The following SHISA9 variants were observed in gnomAD, a reference collection of about 807,000 sequenced individuals.
SHISA9 encodes shisa family member 9.
SHISA9 carries 13 observed loss-of-function variants against 38.0 expected under a neutral mutation model. The observed-to-expected ratio is 0.34, with a 90% CI of 0.22 to 0.54. SHISA9 has a LOEUF of 0.54. Among genes scored for constraint, SHISA9 ranks in the 20% least tolerant of loss-of-function variants. The probability of loss-of-function intolerance (pLI) is 0.91; values close to 1 mark genes in which losing one functional copy is unlikely to be tolerated. For synonymous variants in SHISA9, 275 were observed against 242.0 expected (o/e 1.14, Z -1.27); for missense variants, 538 against 575.8 (o/e 0.93, Z 0.67).
At chr16:13,333,038 C>T in the SHISA9 span, among the ~76,000 whole-genome samples, 2 of 152,336 alleles carry the variant, frequency 1.3e-5, no homozygotes, top group South Asian at 4.1e-4. Context: ...AAGGGGTCCT[C>T]TGCCGTGCCC....
At chr16:13,316,517 A>G in the SHISA9 span, among the ~76,000 whole-genome samples, 3 of 152,224 alleles carry the variant, frequency 2.0e-5, no homozygotes, top group Non-Finnish European at 2.9e-5. Context: ...AGGTGGCAGT[A>G]AAAATGGAAA....
chr16:13,282,679 T>G, the SHISA9 span, among the ~76,000 whole-genome samples: 4 of 152,104 alleles, frequency 2.6e-5, no homozygotes, highest in African/African-American at 9.6e-5. Flanking sequence ...TGTTACATTT[T>G]TTTAGCTTTT....
At chr16:13,347,843 C>CCCG in the SHISA9 span, among the ~76,000 whole-genome samples, 8 of 69,362 alleles carry the variant, frequency 1.2e-4, no homozygotes, top group African/African-American at 2.8e-4. Context: ...TAACGTACCC[C>CCCG]CCCACAAAGA....
the SHISA9 span, among the ~76,000 whole-genome samples, chr16:13,527,220 A>G: frequency 1.3e-5 from 2 of 152,228 alleles, no homozygotes; most frequent in African/African-American, 2.4e-5. Context: ...AAGTTTTCTT[A>G]TAAAGGAGAG....
At chr16:13,136,293 TA>T (rs1404396879) in intron 2 of SHISA9, among the ~76,000 whole-genome samples, 3 of 151,670 alleles carry the variant, frequency 2.0e-5, no homozygotes, top group Non-Finnish European at 4.4e-5. Flanking sequence ...ATTTTATAAA[TA>T]AAAATTTCTT....
At chr16:13,090,677 A>G (rs565781334) in intron 2 of SHISA9, among the ~76,000 whole-genome samples, 24 of 152,116 alleles carry the variant, frequency 1.6e-4, no homozygotes, top group Middle Eastern at 6.8e-3. Flanking sequence ...CCACCCCTCT[A>G]TTTTGAGCCT....
At chr16:13,404,037 T>C in the SHISA9 span, among the ~76,000 whole-genome samples, 5 of 152,214 alleles carry the variant, frequency 3.3e-5, no homozygotes, top group Non-Finnish European at 7.3e-5. Context: ...TTGTAAATGG[T>C]AGAATCGTGA....
intron 4 of SHISA9, among the ~76,000 whole-genome samples, chr16:13,225,527 G>A (rs557512633): frequency 3.9e-5 from 6 of 152,318 alleles, no homozygotes; most frequent in African/African-American, 1.2e-4. Context: ...ACCCTTGAGC[G>A]AAAGGCAGAA....
intron 2 of SHISA9, among the ~76,000 whole-genome samples, chr16:13,176,558 C>T (rs548796700): frequency 5.7e-4 from 87 of 152,296 alleles, no homozygotes; most frequent in Non-Finnish European, 1.1e-3. Flanking sequence ...CTGGGAAGTC[C>T]AGCCCAAAAC....
chr16:13,083,678 G>T (rs2073679154), intron 2 of SHISA9, among the ~76,000 whole-genome samples: 2 of 152,268 alleles, frequency 1.3e-5, no homozygotes, highest in South Asian at 2.1e-4. Flanking sequence ...TTGACTATGG[G>T]CTGCTTGTGT....
At chr16:13,081,883 A>T (rs56073551) in intron 2 of SHISA9, among the ~76,000 whole-genome samples, 1 of 151,902 alleles carries the variant, frequency 6.6e-6, no homozygotes, top group African/African-American at 2.4e-5. Flanking sequence ...CTACTGATCA[A>T]CTAGATTTAG....
intron 1 of SHISA9, chr16:12,902,873 T>C: frequency 4.3e-6 from 2 of 459,838 alleles, no homozygotes; most frequent in Non-Finnish European, 7.6e-6. Context: ...TGTGTGACTC[T>C]GCTCCCTCAC....
chr16:13,226,533 C>T (rs2051281373), intron 4 of SHISA9, among the ~76,000 whole-genome samples: 1 of 152,254 alleles, frequency 6.6e-6, no homozygotes, highest in African/African-American at 2.4e-5. Context: ...GGCTCCTTCT[C>T]ACCTCAAAGC....
At chr16:13,449,441 C>T in the SHISA9 span, among the ~76,000 whole-genome samples, 22 of 152,076 alleles carry the variant, frequency 1.4e-4, no homozygotes, top group African/African-American at 5.1e-4. Context: ...GAGTAACTTC[C>T]TGGGGGTAAG....
rs545488190 is a variant in SHISA9 at position 13,027,937 on chromosome 16, A to C, written c.691+111122A>C. ...AGTGAAGCTCTGTCTCAAAAACAAA[A>C]AAAAAAAAAAAAAAAAAGAATGTAT... On this transcript the variant is annotated intron_variant, in intron 2 of 4. Coordinates refer to ENST00000558583, the MANE Select transcript of SHISA9 (RefSeq NM_001145204.3). Among the ~76,000 whole-genome samples the C allele has an allele frequency of 1.2e-3, 175 of 150,598 alleles. 1 individual carries two copies. Among genetic ancestry groups the C allele is most frequent in the African/African-American group, 4.0e-3 (166 of 41,070 alleles).
the SHISA9 span, among the ~76,000 whole-genome samples, chr16:13,334,787 A>AAG: frequency 5.3e-5 from 8 of 151,768 alleles, no homozygotes; most frequent in African/African-American, 1.9e-4. Context: ...AAAAAAAAAA[A>AAG]AAAAGAATAA....
At chr16:13,505,160 G>C in the SHISA9 span, among the ~76,000 whole-genome samples, 43,775 of 152,142 alleles carry the variant, frequency 0.29, 6,865 homozygotes, top group East Asian at 0.37. Flanking sequence ...CAAAGCACGA[G>C]AGGGGAGCAA....
intron 2 of SHISA9, among the ~76,000 whole-genome samples, chr16:12,987,119 G>T (rs1052513647): frequency 6.6e-6 from 1 of 152,198 alleles, no homozygotes; most frequent in African/African-American, 2.4e-5. Context: ...TCAGAGTGTT[G>T]TGTTGAGCCC....
At chr16:13,283,239 A>T in the SHISA9 span, among the ~76,000 whole-genome samples, 1 of 152,122 alleles carries the variant, frequency 6.6e-6, no homozygotes, top group Non-Finnish European at 1.5e-5. Flanking sequence ...GAATGTATTT[A>T]TCAAATTTTT....
Sources: allele counts gnomAD v4.1 joint callset (sites outside exome capture counted in the v4.1 genomes callset), GRCh38; gene constraint gnomAD v4.1.1; transcripts MANE v1.5; gene names NCBI Gene and HGNC (gene_info 2026-07-23, HGNC 2026-07-21).